The following DDX1 variants were observed in gnomAD, a reference collection of about 807,000 sequenced individuals.
DDX1 encodes the protein DEAD-box helicase 1.
In DDX1, 28 loss-of-function variants were observed where a neutral mutation model predicts 108.7. The ratio of observed to expected loss-of-function variants is 0.26; its 90% confidence interval spans 0.19 to 0.35. The LOEUF (loss-of-function observed/expected upper bound fraction) is 0.35, where lower values mean the gene tolerates loss of function less well. DDX1 is among the 10% of genes least tolerant of loss of function. DDX1 has a pLI of 1.00. For synonymous variants in DDX1, 295 were observed against 288.9 expected, an observed-to-expected ratio of 1.02 and a Z score of -0.21; for missense variants, 710 against 884.5, an observed-to-expected ratio of 0.80 and a Z score of 2.50.
chr2:15,619,649 A>G (rs1665959536), intron 16 of DDX1, among the ~76,000 whole-genome samples: 1 of 152,242 alleles, frequency 6.6e-6, no homozygotes. Flanking sequence ...ACTGGACGAA[A>G]TAGTATACTC....
intron 16 of DDX1, 30 bp downstream of exon 16, chr2:15,618,300 G>A (rs369879709): frequency 8.8e-7 from 1 of 1,136,042 alleles, no homozygotes; most frequent in South Asian, 1.4e-5. Flanking sequence ...ATCTTAAAAT[G>A]CATGTAAACA....
In DDX1 at chr2:15,601,035, TC is replaced by T. The variant is rs150573849; in HGVS notation, c.307+1321del. Reference sequence around the variant, plus strand: ...CCCCTACCCTTTTATCCTTTTTCTTTCCAAACCACAGTTCTGTGAGCCAAGG... The same window carrying T: ...CCCCTACCCTTTTATCCTTTTTCTTTCAAACCACAGTTCTGTGAGCCAAGG... On this transcript the variant is annotated intron_variant, in intron 6 of 25. Coordinates refer to ENST00000233084, the MANE Select transcript of DDX1 (RefSeq NM_004939.3). 7.6e-3 allele frequency among the ~76,000 whole-genome samples: 1,156 copies of T among 152,098 alleles called. 15 individuals carry two copies. Among genetic ancestry groups the T allele is most frequent in the African/African-American group, 0.026 (1,098 of 41,462 alleles).
Position 15,622,373 on chromosome 2 carries a change from C to T in DDX1, c.1448-1063C>T, listed in dbSNP as rs1481222305. Among the ~76,000 whole-genome samples the T allele has an allele frequency of 3.9e-5, 6 of 152,158 alleles. No homozygotes were observed. The East Asian group carries it at 1.2e-3, about 29-fold the overall frequency. On this transcript the variant is annotated intron_variant, in intron 18 of 25. Transcript: ENST00000233084. ...CCGCCTCAATGAAGATTCTTCTTTG[C>T]AGAGCTGAGACTCTTTGTTTCAGGT...
rs538865251 is a variant in DDX1, at chr2:15,594,312, A to AT, written c.17-828dup. ...TGTTCTTTTTTTTATAGGAATATAT[A>AT]TTTTTATGATAAAGCTATATTTTAT... is the stretch of plus-strand genomic sequence containing the variant. On this transcript the variant is annotated intron_variant, in intron 1 of 25. Transcript: ENST00000233084. Among the ~76,000 whole-genome samples the AT allele has an allele frequency of 1.4e-4, 22 of 152,274 alleles. No individual in the cohort carries two copies. In the South Asian group the frequency reaches 4.6e-3, roughly 32 times the overall value.
At chr2:15,618,147 T>G in intron 15 of DDX1, 34 bp from the exon 16 acceptor site, 1 of 1,343,806 alleles carries the variant, frequency 7.4e-7, no homozygotes, top group Non-Finnish European at 1.0e-6. Flanking sequence ...CCATACTGAT[T>G]AAAAACTTAA....
chr2:15,599,617 A>G, intron 5 of DDX1, 52 bp from the exon 6 acceptor site: 1 of 1,432,626 alleles, frequency 7.0e-7, no homozygotes, highest in South Asian at 1.2e-5. Flanking sequence ...CCGGCCAAGC[A>G]TTTTAAATTT....
At chr2:15,603,115 A>G in intron 7 of DDX1, 77 bp from the exon 8 acceptor site, 1 of 1,000,516 alleles carries the variant, frequency 1.0e-6, no homozygotes, top group Non-Finnish European at 1.5e-6. Context: ...TAATTCAGAA[A>G]CAATGGGAAG....
At chr2:15,624,054 A>C (rs944602143) in intron 19 of DDX1, among the ~76,000 whole-genome samples, 2 of 152,192 alleles carry the variant, frequency 1.3e-5, no homozygotes, top group African/African-American at 4.8e-5. Flanking sequence ...AAACACTGTA[A>C]GTATCAGTGG....
Position 15,621,102 on chromosome 2 carries a change from G to A in DDX1, c.1433G>A (p.Gly478Asp). The change falls in exon 18 of 26, where the codon GGT (glycine) becomes GAT (aspartate). Residue 478 changes from glycine to aspartate, a missense_variant. This residue lies in a region of DDX1 where 661 missense variants were observed against 810.2 expected (regional missense o/e 0.82). Transcript: ENST00000233084. ...CATGCAAAAGATAACACAAGACCTG[G>A]TGCTAATAGTCCAGGTGAGTTAAAA... The part of the protein sequence containing the change: ...DVHAKDNTRP[G>D]ANSPEMWSEA... 2 of 1,609,806 alleles carry A rather than the reference G, an allele frequency of 1.2e-6. No individual in the cohort carries two copies. Among genetic ancestry groups the A allele is most frequent in the East Asian group, 2.2e-5 (1 of 44,752 alleles).
Position 15,629,673 on chromosome 2 carries a change from T to C in DDX1, c.1947T>C (p.Cys649=), listed in dbSNP as rs80285206. ...YNTRLKEDGG[C]TIWYNEMQLL... is the part of the protein sequence containing the mutation. ...CAAGACTCAAGGAAGATGGAGGCTG[T>C]ACCATATGGTACAACGAGATGCAGG... The change falls in exon 24 of 26, where the codon TGT becomes TGC. Residue 649 remains cysteine, a synonymous_variant. Coordinates refer to ENST00000233084, the MANE Select transcript of DDX1 (RefSeq NM_004939.3). 1.2e-3 allele frequency: 1,949 copies of C among 1,581,086 alleles called. 23 individuals are homozygous for C. The African/African-American group carries it at 0.024, about 20-fold the overall frequency.
chr2:15,628,594 T>C lies in DDX1; in HGVS notation c.1760-44T>C, dbSNP rs758141297. 2.5e-6 allele frequency: 4 copies of C among 1,595,354 alleles called. No homozygotes were observed. The South Asian group carries it at 4.5e-5, about 18-fold the overall frequency. ...AAAGCCTTCTAATATGTTTGAAAAA[T>C]TTAGAAACTACTGGCAATTGTTAAT... is the stretch of plus-strand genomic sequence containing the variant. On this transcript the variant is annotated intron_variant, in intron 21 of 25. Transcript: ENST00000233084.
At chr2:15,605,236 A>G (rs567495642) in intron 10 of DDX1, among the ~76,000 whole-genome samples, 2 of 151,918 alleles carry the variant, frequency 1.3e-5, no homozygotes, top group African/African-American at 4.8e-5. Context: ...TTGCCTAGGG[A>G]TTGAGGGTAG....
At chr2:15,621,204 C>A in intron 18 of DDX1, 88 bp downstream of exon 18, 4 of 876,974 alleles carry the variant, frequency 4.6e-6, no homozygotes, top group East Asian at 2.6e-5. Context: ...AGGTGACCTG[C>A]AAAATTAAAA....
At chr2:15,598,613 T>C (rs943001836) in intron 5 of DDX1, among the ~76,000 whole-genome samples, 1 of 152,184 alleles carries the variant, frequency 6.6e-6, no homozygotes, top group African/African-American at 2.4e-5. Context: ...TCTGTTTAAC[T>C]TAAAGTACTT....
intron 14 of DDX1, among the ~76,000 whole-genome samples, chr2:15,613,813 G>A (rs4668943): frequency 0.67 from 101,535 of 150,998 alleles, 35,403 homozygotes; most frequent in East Asian, 0.88. Context: ...GATCTCCACT[G>A]TTGGAGAAGA....
rs192135619 is a variant in DDX1 at position 15,602,652 on chromosome 2, C to G, written c.391+21C>G. ...GAAAGGTATTTGAACAGCATCTGCA[C>G]TTGTATAAACTTTTGAGGCAAGGTA... On this transcript the variant is annotated intron_variant, in intron 7 of 25. Transcript: ENST00000233084. 340 of 1,527,920 alleles carry G rather than the reference C, an allele frequency of 2.2e-4. 1 individual carries two copies. The East Asian group carries it at 7.3e-3, about 33-fold the overall frequency. The allele number at this position is 1,527,920 out of a possible 1,614,324, so 94.6% of individuals were successfully genotyped here.
At chr2:15,596,985 CA>C (rs1382022616) in intron 4 of DDX1, among the ~76,000 whole-genome samples, 1 of 152,156 alleles carries the variant, frequency 6.6e-6, no homozygotes, top group Non-Finnish European at 1.5e-5. Context: ...TAGAGAGTTA[CA>C]ATAGCTTTAG....
At chr2:15,611,700 C>G (rs1436501694) in intron 13 of DDX1, among the ~76,000 whole-genome samples, 1 of 109,014 alleles carries the variant, frequency 9.2e-6, no homozygotes, top group African/African-American at 4.7e-5. Context: ...CTGACCCCCC[C>G]ACCTCCCTCC....
intron 1 of DDX1, among the ~76,000 whole-genome samples, chr2:15,593,095 A>ATTAT (rs890025077): frequency 2.0e-5 from 3 of 151,834 alleles, no homozygotes; most frequent in Non-Finnish European, 4.4e-5. Context: ...TCATTTTTGT[A>ATTAT]TTATTAGTAG....
Sources: allele counts gnomAD v4.1 joint callset (sites outside exome capture counted in the v4.1 genomes callset), GRCh38; gene constraint gnomAD v4.1.1; regional missense constraint gnomAD v4.1.1; transcripts MANE v1.5; gene names NCBI Gene and HGNC (gene_info 2026-07-23, HGNC 2026-07-21).